The following NELL2 variants were observed in gnomAD, a reference collection of about 807,000 sequenced individuals.
NELL2 encodes neural EGFL like 2.
NELL2 carries 41 observed loss-of-function variants against 109.6 expected under a neutral mutation model. That is an observed-to-expected ratio of 0.37 (90% CI 0.29 to 0.49). The LOEUF (loss-of-function observed/expected upper bound fraction) is 0.49, where lower values mean the gene tolerates loss of function less well. NELL2 is among the 20% of genes least tolerant of loss of function. The pLI is 0.98. For missense variants in NELL2, 900 were observed against 1,008.3 expected (o/e 0.89, Z 1.45); for synonymous variants, 355 against 344.7 (o/e 1.03, Z -0.33).
intron 1 of NELL2, among the ~76,000 whole-genome samples, chr12:44,904,797 C>CTGTAAAAA (rs1945701815): frequency 6.6e-6 from 1 of 151,828 alleles, no homozygotes; most frequent in East Asian, 1.9e-4. Flanking sequence ...TAAATATAAT[C>CTGTAAAAA]AAATTAATTT....
Position 44,610,858 on chromosome 12 carries a change from C to T in NELL2, c.1557G>A (p.Thr519=), listed in dbSNP as rs754522146. 8 of 1,612,764 alleles carry T rather than the reference C, an allele frequency of 5.0e-6. No individual in the cohort carries two copies. Among genetic ancestry groups the T allele is most frequent in the Admixed American group, 1.7e-5 (1 of 59,900 alleles). Residue 519 remains threonine, a synonymous_variant, in exon 14 of 20, where the codon ACG becomes ACA. Transcript: ENST00000429094. ...VCKPGYTGNG[T]TCKAFCKDGC... is the part of the protein sequence containing the mutation. ...ATTTAAACCTTTTACCTTTGCATGT[C>T]GTTCCATTCCCTGTATAGCCCGGCT...
chr12:44,779,872 C>G lies in NELL2; in HGVS notation c.486G>C (p.Leu162Phe), dbSNP rs2136597950. Residue 162 changes from leucine (L) to phenylalanine (F), a missense_variant, in exon 4 of 20, where the codon TTG becomes TTC. By Grantham distance (22) the Leu-to-Phe change is conservative (BLOSUM62 0). Around this residue, in one of 4 missense-constraint regions of NELL2, gnomAD observed 200 missense variants for 191.8 expected, o/e 1.04. Transcript: ENST00000429094. ...ACTTATTGCAGTCAATGTGTAAAAT[C>G]AAATGGGAAGCACTGATGGCTAAGG... is the stretch of plus-strand genomic sequence containing the variant. ...KLSLAISASH[L>F]ILHIDCNKIY... 3 of 1,613,842 alleles carry G rather than the reference C, an allele frequency of 1.9e-6. No individual in the cohort carries two copies. The highest frequency in any genetic ancestry group is 2.5e-6 in the Non-Finnish European group (3 of 1,179,800).
At chr12:44,828,041 A>T (rs1943771440) in intron 2 of NELL2, among the ~76,000 whole-genome samples, 1 of 152,036 alleles carries the variant, frequency 6.6e-6, no homozygotes, top group African/African-American at 2.4e-5. Flanking sequence ...TGTAGTTTTG[A>T]TTTGCAGTTC....
At chr12:44,637,554 T>A (rs1471250033) in intron 13 of NELL2, among the ~76,000 whole-genome samples, 1 of 142,180 alleles carries the variant, frequency 7.0e-6, no homozygotes, top group Admixed American at 7.8e-5. Flanking sequence ...TGGTCCCAGA[T>A]AACCTTATGA....
chr12:44,596,361 T>C (rs1218880036), intron 15 of NELL2, among the ~76,000 whole-genome samples: 3 of 152,166 alleles, frequency 2.0e-5, no homozygotes, highest in Non-Finnish European at 4.4e-5. Flanking sequence ...AATATGACAG[T>C]CCTAGAAATT....
At chr12:44,891,621 AT>A (rs997779533) in intron 1 of NELL2, among the ~76,000 whole-genome samples, 3 of 147,520 alleles carry the variant, frequency 2.0e-5, no homozygotes, top group East Asian at 2.1e-4. Flanking sequence ...TGTAACACTG[AT>A]TTTTTTTCCT....
At chr12:44,696,212 C>T (rs1392030101) in intron 12 of NELL2, among the ~76,000 whole-genome samples, 2 of 152,138 alleles carry the variant, frequency 1.3e-5, no homozygotes, top group African/African-American at 2.4e-5. Flanking sequence ...AAAACAGTTA[C>T]TTGAACTAGA....
chr12:44,610,808 T>C, intron 14 of NELL2, 40 bp downstream of exon 14: 1 of 1,611,872 alleles, frequency 6.2e-7, no homozygotes, highest in Non-Finnish European at 8.5e-7. Flanking sequence ...TGGATGGCAT[T>C]ATACATAATG....
At chr12:44,875,723 G>C in intron 1 of NELL2, 92 bp downstream of exon 1, 1 of 1,608,874 alleles carries the variant, frequency 6.2e-7, no homozygotes. Context: ...ACCTACTTTG[G>C]GTCCGGGAAA....
chr12:44,729,499 G>A (rs983407303), intron 9 of NELL2, among the ~76,000 whole-genome samples: 14 of 149,876 alleles, frequency 9.3e-5, no homozygotes, highest in Admixed American at 7.3e-4. Flanking sequence ...AGTCCTACTC[G>A]ATCAATAATA....
chr12:44,716,241 C>T (rs1592387764), intron 9 of NELL2, among the ~76,000 whole-genome samples: 2 of 152,030 alleles, frequency 1.3e-5, no homozygotes, highest in South Asian at 4.1e-4. Flanking sequence ...ATAATGGAAA[C>T]CATGCACGTT....
At chr12:44,509,918 A>G (rs1242576181) in intron 19 of NELL2, among the ~76,000 whole-genome samples, 2 of 152,088 alleles carry the variant, frequency 1.3e-5, no homozygotes, top group Non-Finnish European at 2.9e-5. Flanking sequence ...CGCACAGAGG[A>G]GAGTTTTGTG....
intron 16 of NELL2, among the ~76,000 whole-genome samples, chr12:44,531,283 A>T (rs536685932): frequency 6.6e-6 from 1 of 152,168 alleles, no homozygotes; most frequent in Non-Finnish European, 1.5e-5. Context: ...TATGTGCATA[A>T]ATTTTTTAAA....
intron 16 of NELL2, among the ~76,000 whole-genome samples, chr12:44,525,756 G>C (rs1392898267): frequency 6.6e-6 from 1 of 152,120 alleles, no homozygotes; most frequent in African/African-American, 2.4e-5. Context: ...ATGTAACTTG[G>C]TCTAGCAGAG....
At chr12:44,528,381 C>T (rs1046315551) in intron 16 of NELL2, among the ~76,000 whole-genome samples, 2 of 151,966 alleles carry the variant, frequency 1.3e-5, no homozygotes, top group East Asian at 1.9e-4. Context: ...ATCCTTGTTA[C>T]TTTCTGGGCT....
chr12:44,558,073 A>G (rs570474716), intron 15 of NELL2, among the ~76,000 whole-genome samples: 3 of 152,320 alleles, frequency 2.0e-5, no homozygotes, highest in South Asian at 2.1e-4. Flanking sequence ...AAGTTTGCCT[A>G]TGAAGGAAAG....
intron 10 of NELL2, among the ~76,000 whole-genome samples, chr12:44,712,780 T>C (rs1331119091): frequency 6.6e-6 from 1 of 151,974 alleles, no homozygotes; most frequent in African/African-American, 2.4e-5. Context: ...TTTGAAGACT[T>C]GGTGTAACAA....
intron 3 of NELL2, among the ~76,000 whole-genome samples, chr12:44,796,920 C>G (rs1288482154): frequency 2.0e-5 from 3 of 151,910 alleles, no homozygotes; most frequent in Non-Finnish European, 2.9e-5. Flanking sequence ...ATTTATTATT[C>G]TTAATGATGA....
At chr12:44,881,378 C>T (rs183452358) in intron 1 of NELL2, among the ~76,000 whole-genome samples, 17 of 151,932 alleles carry the variant, frequency 1.1e-4, no homozygotes, top group African/African-American at 4.1e-4. Context: ...AACACAAATA[C>T]TCTTGAAACC....
Sources: gnomAD v4.1 joint callset for allele counts (sites outside exome capture counted in the v4.1 genomes callset) on GRCh38, gnomAD v4.1.1 for gene constraint, gnomAD v4.1.1 regional missense constraint, MANE v1.5 for transcripts, NCBI Gene and HGNC (gene_info 2026-07-23, HGNC 2026-07-21) for gene names.